RFX1: variants seen among roughly 807,000 people sequenced by gnomAD.
RFX1 encodes the protein MHC class II regulatory factor RFX1.
Under a neutral mutation model 119.6 loss-of-function variants are expected in RFX1, and 42 were observed. The ratio of observed to expected loss-of-function variants is 0.35; its 90% CI spans 0.27 to 0.45. RFX1 has a LOEUF of 0.45. RFX1 is among the 20% of genes least tolerant of loss of function. The pLI, the probability that RFX1 is intolerant of heterozygous loss-of-function variation, is 1.00. For missense variants in RFX1, 1,118 were observed against 1,368.1 expected (o/e 0.82, Z 2.88); for synonymous variants, 628 against 618.5 (o/e 1.02, Z -0.23).
chr19:13,964,566 C>A (rs1295803538), intron 16 of RFX1, among the ~76,000 whole-genome samples: 1 of 152,174 alleles, frequency 6.6e-6, no homozygotes, highest in Non-Finnish European at 1.5e-5. Context: ...ACTGCATCCT[C>A]CGCCTCGTGG....
intron 1 of RFX1, among the ~76,000 whole-genome samples, chr19:14,001,771 C>A (rs550137261): frequency 6.6e-6 from 1 of 152,224 alleles, no homozygotes; most frequent in Non-Finnish European, 1.5e-5. Flanking sequence ...GAGGCTGAGG[C>A]GGGCAGATCG....
chr19:13,962,320 A>C lies in RFX1; in HGVS notation c.*375T>G. The C allele has an allele frequency of 4.1e-6, 1 of 245,174 alleles. No homozygotes were observed. The highest frequency in any genetic ancestry group is 7.9e-6 in the Non-Finnish European group (1 of 126,240). 15.2% of individuals were successfully genotyped at this position (245,174 alleles called of 1,614,324 possible). On this transcript the variant is annotated 3_prime_UTR_variant, in exon 21 of 21. Transcript: ENST00000254325. The stretch of plus-strand genomic sequence containing the variant: ...AGGCTGTGCAAAGCCAGCGAGCTGA[A>C]TAAGTTAACAGTTTCGCACGGGAGG...
intron 1 of RFX1, among the ~76,000 whole-genome samples, chr19:13,994,118 C>T (rs2145623509): frequency 6.6e-6 from 1 of 152,120 alleles, no homozygotes; most frequent in South Asian, 2.1e-4. Flanking sequence ...GAGCCCCACT[C>T]CGCACCCCCA....
At chr19:13,977,451 C>T (rs1266260050) in intron 8 of RFX1, among the ~76,000 whole-genome samples, 1 of 151,482 alleles carries the variant, frequency 6.6e-6, no homozygotes, top group Non-Finnish European at 1.5e-5. Flanking sequence ...GAGTGTCACT[C>T]TATTGCCCAG....
chr19:13,982,888 C>G (rs1219118464), intron 4 of RFX1: 6 of 452,858 alleles, frequency 1.3e-5, no homozygotes, highest in African/African-American at 2.0e-5. Context: ...ACTCCTGACT[C>G]TAAACCTGGC....
chr19:14,002,520 G>T (rs1975250740), intron 1 of RFX1, among the ~76,000 whole-genome samples: 2 of 152,106 alleles, frequency 1.3e-5, no homozygotes, highest in South Asian at 4.2e-4. Context: ...AAAAAGAAAA[G>T]AAAACTGACA....
chr19:13,983,097 T>G, intron 4 of RFX1, 90 bp downstream of exon 4: 1 of 1,003,166 alleles, frequency 1.0e-6, no homozygotes, highest in Non-Finnish European at 1.5e-6. Context: ...CCCTCCATCC[T>G]GGTGAGGACA....
chr19:13,971,234 T>C (rs1161491683), intron 9 of RFX1, among the ~76,000 whole-genome samples: 1 of 151,688 alleles, frequency 6.6e-6, no homozygotes, highest in African/African-American at 2.4e-5. Flanking sequence ...CTCGAGAGGC[T>C]GAGGCACAAA....
intron 8 of RFX1, among the ~76,000 whole-genome samples, chr19:13,973,965 T>A (rs1286933950): frequency 2.0e-5 from 3 of 146,688 alleles, no homozygotes; most frequent in Admixed American, 6.7e-5. Context: ...AAAAAAAAAA[T>A]ACCGAAGGGT....
chr19:13,996,469 TA>T (rs1329668556), intron 1 of RFX1, among the ~76,000 whole-genome samples: 1 of 151,980 alleles, frequency 6.6e-6, no homozygotes, highest in African/African-American at 2.4e-5. Context: ...AAGGAGGAGG[TA>T]AAAAACAACT....
intron 1 of RFX1, 106 bp from the exon 2 acceptor site, chr19:13,994,001 C>T: frequency 2.9e-6 from 2 of 695,980 alleles, no homozygotes; most frequent in Non-Finnish European, 4.8e-6. Flanking sequence ...GCTCTGGGTT[C>T]CCTGGAGATG....
chr19:13,984,044 G>T (rs575424601), intron 2 of RFX1, among the ~76,000 whole-genome samples: 3 of 152,104 alleles, frequency 2.0e-5, no homozygotes, highest in African/African-American at 7.2e-5. Context: ...AAGCTGCTCG[G>T]AGGAGTGGTC....
Position 13,969,518 on chromosome 19 carries a change from C to T in RFX1, c.1496+476G>A, listed in dbSNP as rs114307198. The T allele has an allele frequency of 0.017, 2,696 of 158,764 alleles. 75 individuals carry two copies. Among genetic ancestry groups the T allele is most frequent in the African/African-American group, 0.056 (2,324 of 41,552 alleles). 9.8% of individuals were successfully genotyped at this position (158,764 alleles called of 1,614,324 possible). A position where few individuals can be genotyped will look rare whatever the true frequency, so the allele number is the denominator to read the frequency against. On this transcript the variant is annotated intron_variant, in intron 10 of 20. Coordinates refer to ENST00000254325, the MANE Select transcript of RFX1 (RefSeq NM_002918.5). The surrounding 1 kb of genome is among the most constrained non-coding windows in gnomAD (Gnocchi z 4.5). ...AATTATTTTTTAAAAATTAGCTGGG[C>T]GTGGTGGCACATGCTTGTAGTCCCA...
intron 5 of RFX1, 108 bp downstream of exon 5, chr19:13,982,013 C>A (rs529972255): frequency 1.4e-5 from 6 of 437,750 alleles, no homozygotes; most frequent in Admixed American, 4.5e-5. Context: ...TTTGGAGGAG[C>A]AAGTGGGCTT....
chr19:13,973,051 C>G lies in RFX1; in HGVS notation c.1006G>C (p.Gly336Arg). 6.2e-7 allele frequency: 1 copy of G among 1,601,886 alleles called. No individual in the cohort carries two copies. The highest frequency in any genetic ancestry group is 1.1e-5 in the South Asian group (1 of 91,080). The change falls in exon 9 of 21, where the codon GGC becomes CGC. Residue 336 changes from glycine to arginine, a missense_variant. Transcript: ENST00000254325. ...GGGGTGCTGACCTGGGTGGCCGTGCCTGCGGCCTCGTAGTAGCTGGTGCTT... is the reference window on the plus strand; with the variant it reads ...GGGGTGCTGACCTGGGTGGCCGTGCGTGCGGCCTCGTAGTAGCTGGTGCTT... The part of the protein sequence containing the change: ...TASTSYYEAA[G>R]TATQVSTPAT...
chr19:13,991,391 T>A (rs1974793879), intron 2 of RFX1, among the ~76,000 whole-genome samples: 2 of 152,292 alleles, frequency 1.3e-5, no homozygotes, highest in South Asian at 4.1e-4. Flanking sequence ...GTTTGTGGCC[T>A]GAAGACCCTG....
chr19:13,978,091 G>T lies in RFX1; in HGVS notation c.835-5C>A, dbSNP rs750318104. ...CACCTGCTGGAGCTGCTGCACCTGGGGCAGAGGAAGGGCACGTGGAGGGTC... is the reference window on the plus strand; with the variant it reads ...CACCTGCTGGAGCTGCTGCACCTGGTGCAGAGGAAGGGCACGTGGAGGGTC... On this transcript the variant is annotated splice_polypyrimidine_tract_variant and splice_region_variant and intron_variant, in intron 7 of 20. Coordinates refer to ENST00000254325, the MANE Select transcript of RFX1 (RefSeq NM_002918.5). The T allele has an allele frequency of 1.2e-6, 2 of 1,610,628 alleles. No homozygotes were observed. The highest frequency in any genetic ancestry group is 2.7e-5 in the African/African-American group (2 of 74,886).
Position 13,965,585 on chromosome 19 carries a change from T to A in RFX1, c.2114-39A>T. 1.9e-6 allele frequency: 3 copies of A among 1,610,212 alleles called. No homozygotes were observed. The highest frequency in any genetic ancestry group is 2.5e-6 in the Non-Finnish European group (3 of 1,178,752). ...CGGGGGTCGGTCAGGGCAGGGCGGG[T>A]GTATGTGGGGCAGGGGATGCCGAGC... On this transcript the variant is annotated intron_variant, in intron 15 of 20. Coordinates refer to ENST00000254325, the MANE Select transcript of RFX1 (RefSeq NM_002918.5). This position sits in a 1 kb window ranked among gnomAD's most constrained non-coding sequence, Gnocchi z 4.7.
Position 13,962,573 on chromosome 19 carries a change from G to C in RFX1, c.*122C>G. On this transcript the variant is annotated 3_prime_UTR_variant, in exon 21 of 21. Transcript: ENST00000254325. Reference sequence around the variant, plus strand: ...AGGGAGGAGGGCCCCGGTCTTCCCTGTCTCGGAGTCCCCCTCCCTGCCCTG... The same window carrying C: ...AGGGAGGAGGGCCCCGGTCTTCCCTCTCTCGGAGTCCCCCTCCCTGCCCTG... 1 of 809,854 alleles carries C rather than the reference G, an allele frequency of 1.2e-6. No homozygotes were observed. Among genetic ancestry groups the C allele is most frequent in the Non-Finnish European group, 1.8e-6 (1 of 541,828 alleles). 50.2% of individuals were successfully genotyped at this position (809,854 alleles called of 1,614,324 possible).
Sources: allele counts gnomAD v4.1 joint callset (sites outside exome capture counted in the v4.1 genomes callset), GRCh38; gene constraint gnomAD v4.1.1; non-coding constraint Gnocchi (gnomAD v3.1); transcripts MANE v1.5; gene names NCBI Gene and HGNC (gene_info 2026-07-23, HGNC 2026-07-21).